Variants in BMPR1B observed in about 807,000 individuals in gnomAD.
BMPR1B encodes the protein bone morphogenetic protein receptor type-1B.
BMPR1B carries 12 observed loss-of-function variants against 59.1 expected under a neutral mutation model. The observed-to-expected ratio is 0.20, with a 90% CI of 0.13 to 0.33. The LOEUF (loss-of-function observed/expected upper bound fraction) is 0.33. Among genes scored for constraint, BMPR1B ranks in the 10% least tolerant of loss-of-function variants. The pLI is 1.00. For synonymous variants in BMPR1B, 237 were observed against 207.3 expected (o/e 1.14, Z -1.23); for missense variants, 550 against 610.9 (o/e 0.90, Z 1.05).
chr4:94,868,112 C>T (rs1359575645), intron 1 of BMPR1B, among the ~76,000 whole-genome samples: 9 of 151,964 alleles, frequency 5.9e-5, no homozygotes. Flanking sequence ...GTTCTCTTGC[C>T]TCAGCCTCCC....
At chr4:95,031,433 A>C (rs1339802500) in intron 3 of BMPR1B, among the ~76,000 whole-genome samples, 2 of 152,080 alleles carry the variant, frequency 1.3e-5, no homozygotes, top group Non-Finnish European at 2.9e-5. Context: ...CATACAGAGA[A>C]TATTATGGAT....
chr4:94,953,813 G>GAGAAC (rs1393137678), intron 2 of BMPR1B, among the ~76,000 whole-genome samples: 3 of 152,126 alleles, frequency 2.0e-5, no homozygotes, highest in South Asian at 2.1e-4. Context: ...GTCTTGCTAG[G>GAGAAC]TTGGGGAAGT....
chr4:94,985,635 C>G (rs772708064), intron 2 of BMPR1B, among the ~76,000 whole-genome samples: 2 of 151,010 alleles, frequency 1.3e-5, no homozygotes, highest in Admixed American at 6.6e-5. Flanking sequence ...TTGTGTTTTC[C>G]TATAGGAAAA....
chr4:94,862,923 G>C lies in BMPR1B; in HGVS notation c.-182-12908G>C, dbSNP rs569541403. Among the ~76,000 whole-genome samples the C allele has an allele frequency of 2.7e-3, 386 of 141,396 alleles. 4 individuals carry two copies. Among genetic ancestry groups the C allele is most frequent in the Non-Finnish European group, 3.6e-3 (230 of 64,582 alleles). The allele number at this position is 141,396 out of a possible 152,430, so 92.8% of individuals were successfully genotyped here. On this transcript the variant is annotated intron_variant, in intron 1 of 12. Transcript: ENST00000515059. ...TCGCGCCTCTGCACTCCAGCCTGGG[G>C]GACAGAGCGAGACTCCGTCTCAAAA...
intron 8 of BMPR1B, among the ~76,000 whole-genome samples, chr4:95,127,821 T>C (rs1279253139): frequency 6.6e-6 from 1 of 151,874 alleles, no homozygotes; most frequent in African/African-American, 2.4e-5. Context: ...ACGAAATTTA[T>C]AATCTTCATT....
intron 2 of BMPR1B, among the ~76,000 whole-genome samples, chr4:94,879,907 A>G (rs1029886325): frequency 6.6e-6 from 1 of 152,224 alleles, no homozygotes; most frequent in Non-Finnish European, 1.5e-5. Flanking sequence ...TAAACCAACC[A>G]TATGGATCGT....
chr4:94,797,953 G>T (rs2110616240), intron 1 of BMPR1B, among the ~76,000 whole-genome samples: 1 of 152,292 alleles, frequency 6.6e-6, no homozygotes, highest in African/African-American at 2.4e-5. Context: ...TTTATAACAT[G>T]GATCCTGGGA....
chr4:94,802,710 G>C (rs6532509), intron 1 of BMPR1B, among the ~76,000 whole-genome samples: 1 of 151,892 alleles, frequency 6.6e-6, no homozygotes, highest in Non-Finnish European at 1.5e-5. Flanking sequence ...GTATTATTTT[G>C]TGTATAATTG....
In BMPR1B at chr4:95,148,755, A is replaced by G; in HGVS notation, c.1084A>G (p.Asn362Asp). ...GCTTTACTTTTTCCTTAGTGATACA[A>G]ATGAAGTTGACATACCACCTAACAC... ...GLAVKFISDTNEVDIPPNTRV... is the reference protein window; with the variant it reads ...GLAVKFISDTDEVDIPPNTRV... Residue 362 changes from asparagine to aspartate, a missense_variant, in exon 11 of 13, where the codon AAT (asparagine) becomes GAT (aspartate). By Grantham distance (23) the Asn-to-Asp change is conservative. Transcript: ENST00000515059. The G allele has an allele frequency of 6.2e-7, 1 of 1,613,896 alleles. No homozygotes were observed. Among genetic ancestry groups the G allele is most frequent in the Non-Finnish European group, 8.5e-7 (1 of 1,179,872 alleles).
intron 1 of BMPR1B, among the ~76,000 whole-genome samples, chr4:94,824,159 A>T (rs1466623844): frequency 6.6e-6 from 1 of 152,238 alleles, no homozygotes; most frequent in African/African-American, 2.4e-5. Context: ...ATTTAAAGAT[A>T]CTAACATTTT....
At chr4:94,988,719 C>T (rs897183164) in intron 2 of BMPR1B, among the ~76,000 whole-genome samples, 2 of 152,014 alleles carry the variant, frequency 1.3e-5, no homozygotes, top group African/African-American at 4.8e-5. Context: ...GGTTGGTAGA[C>T]TTATGTATGA....
At chr4:94,758,109 C>T (rs1407502418) in intron 1 of BMPR1B, 41 bp downstream of exon 1, 2 of 148,816 alleles carry the variant, frequency 1.3e-5, no homozygotes, top group African/African-American at 4.9e-5. Context: ...TGCGGGTGGC[C>T]GAGTTCCCGA....
intron 1 of BMPR1B, among the ~76,000 whole-genome samples, chr4:94,869,762 C>G (rs375615049): frequency 2.0e-5 from 3 of 152,104 alleles, no homozygotes; most frequent in African/African-American, 7.2e-5. Context: ...GTAAGCATTT[C>G]TTTTAAAAAT....
intron 2 of BMPR1B, among the ~76,000 whole-genome samples, chr4:94,908,102 A>G (rs1344637426): frequency 6.7e-6 from 1 of 149,328 alleles, no homozygotes; most frequent in Non-Finnish European, 1.5e-5. Context: ...AAAAAACAAA[A>G]AAAAGTAAAG....
chr4:95,146,153 C>T (rs977551899), intron 10 of BMPR1B, among the ~76,000 whole-genome samples: 1 of 151,988 alleles, frequency 6.6e-6, no homozygotes, highest in African/African-American at 2.4e-5. Flanking sequence ...TCAAATGTTA[C>T]TAGGGAGAAG....
chr4:94,818,975 A>C (rs901199506), intron 1 of BMPR1B, among the ~76,000 whole-genome samples: 4 of 151,884 alleles, frequency 2.6e-5, no homozygotes, highest in Admixed American at 6.6e-5. Context: ...CTAGAAAAAA[A>C]ATTTTTAAAA....
At chr4:94,858,702 C>T (rs2023836) in intron 1 of BMPR1B, among the ~76,000 whole-genome samples, 17,666 of 152,096 alleles carry the variant, frequency 0.12, 1,080 homozygotes, top group Non-Finnish European at 0.14. Flanking sequence ...TGTATTAACT[C>T]CAATCAAATG....
intron 2 of BMPR1B, among the ~76,000 whole-genome samples, chr4:94,933,082 A>G (rs1246132623): frequency 1.3e-5 from 2 of 152,122 alleles, no homozygotes; most frequent in Admixed American, 6.5e-5. Flanking sequence ...TGTGCATATT[A>G]TATATAAAAG....
intron 2 of BMPR1B, among the ~76,000 whole-genome samples, chr4:94,953,475 G>A: frequency 6.6e-6 from 1 of 152,100 alleles, no homozygotes; most frequent in Non-Finnish European, 1.5e-5. Context: ...AAATCCTTCA[G>A]CATTTGCTTG....
Sources: gnomAD v4.1 joint callset for allele counts (sites outside exome capture counted in the v4.1 genomes callset) on GRCh38, gnomAD v4.1.1 for gene constraint, MANE v1.5 for transcripts, NCBI Gene and HGNC (gene_info 2026-07-23, HGNC 2026-07-21) for gene names.